The following GTF2E2 variants were observed in gnomAD, a reference collection of about 807,000 sequenced individuals.
GTF2E2 encodes the protein transcription initiation factor IIE subunit beta.
A neutral mutation model predicts 40.5 loss-of-function variants in GTF2E2; 21 were observed. The ratio of observed to expected loss-of-function variants is 0.52; its 90% confidence interval spans 0.37 to 0.75. The LOEUF (loss-of-function observed/expected upper bound fraction) is 0.75, where lower values mean the gene tolerates loss of function less well. Ranked by LOEUF, GTF2E2 falls within the 30% of genes least tolerant of loss-of-function variation. The pLI is 0.00. For synonymous variants in GTF2E2, 117 were observed against 121.6 expected, an observed-to-expected ratio of 0.96 and a Z score of 0.25; for missense variants, 298 against 338.4, an observed-to-expected ratio of 0.88 and a Z score of 0.94.
chr8:30,602,787 T>C (rs1332850254), intron 6 of GTF2E2, among the ~76,000 whole-genome samples: 1 of 150,144 alleles, frequency 6.7e-6, no homozygotes, highest in African/African-American at 2.4e-5. Flanking sequence ...TCACTGAATC[T>C]GGTGAAACAA....
intron 6 of GTF2E2, among the ~76,000 whole-genome samples, chr8:30,599,388 G>A (rs951048467): frequency 6.6e-6 from 1 of 151,960 alleles, no homozygotes; most frequent in African/African-American, 2.4e-5. Context: ...AACTAGCCTG[G>A]CCAACATGGT....
At chr8:30,636,789 G>A (rs1230974858) in intron 2 of GTF2E2, 3 of 268,710 alleles carry the variant, frequency 1.1e-5, no homozygotes, top group African/African-American at 4.7e-5. Flanking sequence ...AGAGTTGGAG[G>A]TTGCAGTGAG....
intron 6 of GTF2E2, among the ~76,000 whole-genome samples, chr8:30,594,554 T>TTAAAAA (rs1563477422): frequency 7.5e-6 from 1 of 132,904 alleles, no homozygotes; most frequent in Non-Finnish European, 1.6e-5. Context: ...AATGGATCTT[T>TTAAAAA]AAAAAAAAAA....
chr8:30,612,386 GA>G lies in GTF2E2; in HGVS notation c.461del (p.Leu154ProfsTer2). 4 of 1,612,088 alleles carry G rather than the reference GA, an allele frequency of 2.5e-6. No individual in the cohort carries two copies. Among genetic ancestry groups the G allele is most frequent in the Non-Finnish European group, 3.4e-6 (4 of 1,178,292 alleles). On this transcript the variant is annotated frameshift_variant, in exon 5 of 8. Coordinates refer to ENST00000355904, the MANE Select transcript of GTF2E2 (RefSeq NM_002095.6). LOFTEE classifies it high-confidence loss of function. ...ATCCTCGCTGGTCATGCTGATCTAAGAGCCTAAGTAGGGCCTTCTTATCTCT... is the reference window on the plus strand; with the variant it reads ...ATCCTCGCTGGTCATGCTGATCTAAGGCCTAAGTAGGGCCTTCTTATCTCT... ...NVRDKKALLRLLDQHDQRGLG... is the reference protein window; with the variant it reads ...NVRDKKALLRXLDQHDQRGLG...
chr8:30,647,787 C>A (rs747525578), intron 2 of GTF2E2, among the ~76,000 whole-genome samples: 8 of 152,206 alleles, frequency 5.3e-5, no homozygotes, highest in Non-Finnish European at 1.2e-4. Context: ...GGATTCTTGG[C>A]AATAGATGGT....
intron 6 of GTF2E2, among the ~76,000 whole-genome samples, chr8:30,592,415 C>T (rs533823848): frequency 5.9e-5 from 9 of 152,250 alleles, no homozygotes; most frequent in Middle Eastern, 3.4e-3. Flanking sequence ...TGGACAGTCT[C>T]CAAATATAGC....
In GTF2E2 at chr8:30,578,801, T is replaced by C; in HGVS notation, c.*120A>G. ...GGTAATTTGCACTTGTTTTGTAAAC[T>C]GAACTGCTCCTCTCCTCAGCCGCAA... On this transcript the variant is annotated 3_prime_UTR_variant, in exon 8 of 8. Transcript: ENST00000355904. The C allele has an allele frequency of 3.0e-6, 2 of 666,878 alleles. No individual in the cohort carries two copies. The highest frequency in any genetic ancestry group is 5.5e-6 in the Non-Finnish European group (2 of 364,306). The allele number at this position is 666,878 out of a possible 1,614,324, so 41.3% of individuals were successfully genotyped here.
chr8:30,631,403 A>G (rs577704807), intron 3 of GTF2E2, among the ~76,000 whole-genome samples: 156 of 152,338 alleles, frequency 1.0e-3, no homozygotes, highest in Non-Finnish European at 1.7e-3. Flanking sequence ...AGCTGGAACA[A>G]TATCAATTAG....
rs373900237 is a variant in GTF2E2 at position 30,603,967 on chromosome 8, TATCAAA to T, written c.643+3084_643+3089del. 6.1e-3 allele frequency among the ~76,000 whole-genome samples: 923 copies of T among 152,242 alleles called. 6 individuals carry two copies. Among genetic ancestry groups the T allele is most frequent in the African/African-American group, 0.021 (866 of 41,548 alleles). On this transcript the variant is annotated intron_variant, in intron 6 of 7. Transcript: ENST00000355904. Reference sequence around the variant, plus strand: ...ATGGTTTTGTAGAAAAACACAGAATTATCAAAATTGACTTGCAAGATAGAAAACTTA... The same window carrying T: ...ATGGTTTTGTAGAAAAACACAGAATTATTGACTTGCAAGATAGAAAACTTA...
Position 30,645,328 on chromosome 8 carries a change from A to G in GTF2E2, c.166+8105T>C, listed in dbSNP as rs1416003562. 3.9e-6 allele frequency: 6 copies of G among 1,535,482 alleles called. No homozygotes were observed. The Admixed American group carries it at 5.9e-5, about 15-fold the overall frequency. Reference sequence around the variant, plus strand: ...TCTAAGAATGGCTTCCAGCCACTGGAATGAAACCACTACCTCTGTTTATCA... The same window carrying G: ...TCTAAGAATGGCTTCCAGCCACTGGGATGAAACCACTACCTCTGTTTATCA... On this transcript the variant is annotated intron_variant, in intron 2 of 7. Coordinates refer to ENST00000355904, the MANE Select transcript of GTF2E2 (RefSeq NM_002095.6).
intron 6 of GTF2E2, among the ~76,000 whole-genome samples, chr8:30,592,691 T>C (rs1828884802): frequency 6.6e-6 from 1 of 152,216 alleles, no homozygotes; most frequent in Non-Finnish European, 1.5e-5. Flanking sequence ...TACTGTATTG[T>C]TTAGGGAATA....
intron 6 of GTF2E2, among the ~76,000 whole-genome samples, chr8:30,581,212 G>A (rs187934221): frequency 3.3e-5 from 5 of 152,200 alleles, no homozygotes; most frequent in East Asian, 1.9e-4. Flanking sequence ...TCTGAGCCCC[G>A]AGGCTTCACA....
At chr8:30,636,304 A>T (rs1329866857) in intron 2 of GTF2E2, among the ~76,000 whole-genome samples, 2 of 152,180 alleles carry the variant, frequency 1.3e-5, no homozygotes, top group Non-Finnish European at 2.9e-5. Context: ...ATCCACAAAG[A>T]GAGAGGTTAA....
chr8:30,621,612 T>C (rs1801104387), intron 3 of GTF2E2, among the ~76,000 whole-genome samples: 1 of 152,160 alleles, frequency 6.6e-6, no homozygotes, highest in Admixed American at 6.5e-5. Context: ...ACTTTTGGTG[T>C]GCTGCCTTTC....
chr8:30,631,783 T>C (rs1563499180), intron 3 of GTF2E2, among the ~76,000 whole-genome samples: 1 of 152,142 alleles, frequency 6.6e-6, no homozygotes, highest in Non-Finnish European at 1.5e-5. Flanking sequence ...GATCAGAAGA[T>C]GCAGGAACAC....
At chr8:30,585,942 C>T (rs1280827516) in intron 6 of GTF2E2, among the ~76,000 whole-genome samples, 1 of 151,994 alleles carries the variant, frequency 6.6e-6, no homozygotes, top group Non-Finnish European at 1.5e-5. Flanking sequence ...ACAAGCCGGG[C>T]ATGGTGGTGT....
At chr8:30,602,679 G>A (rs549092917) in intron 6 of GTF2E2, among the ~76,000 whole-genome samples, 6 of 151,394 alleles carry the variant, frequency 4.0e-5, no homozygotes, top group South Asian at 2.1e-4. Flanking sequence ...GCTTGAACCC[G>A]GGAGGCAGAG....
chr8:30,583,785 ATTTATTTATTTAT>A (rs1308539730), intron 6 of GTF2E2, among the ~76,000 whole-genome samples: 67 of 151,996 alleles, frequency 4.4e-4, no homozygotes, highest in African/African-American at 1.4e-3. Flanking sequence ...ATCAGTATTT[ATTTATTTATTTAT>A]TTTATTTATT....
chr8:30,627,482 C>A (rs530421515), intron 3 of GTF2E2, among the ~76,000 whole-genome samples: 12 of 144,274 alleles, frequency 8.3e-5, no homozygotes, highest in African/African-American at 2.8e-4. Context: ...CTCAGGACAT[C>A]GCTTTTTTCA....
Sources: allele counts gnomAD v4.1 joint callset (sites outside exome capture counted in the v4.1 genomes callset), GRCh38; gene constraint gnomAD v4.1.1; transcripts MANE v1.5; gene names NCBI Gene and HGNC (gene_info 2026-07-23, HGNC 2026-07-21).